RABGAP1L: variants seen among roughly 807,000 people sequenced by gnomAD.
RABGAP1L encodes rab GTPase-activating protein 1-like.
RABGAP1L carries 63 observed loss-of-function variants against 137.7 expected under a neutral mutation model. The ratio of observed to expected loss-of-function variants is 0.46; its 90% CI spans 0.37 to 0.56. The LOEUF (loss-of-function observed/expected upper bound fraction) is 0.56. Ranked by LOEUF, RABGAP1L falls within the 20% of genes least tolerant of loss-of-function variation. The probability of loss-of-function intolerance (pLI) is 0.00; values close to 1 mark genes in which losing one functional copy is unlikely to be tolerated. For synonymous variants in RABGAP1L, 431 were observed against 433.7 expected (o/e 0.99, Z 0.08); for missense variants, 1,095 against 1,244.0 (o/e 0.88, Z 1.80).
chr1:174,325,778 G>T (rs2148842465), intron 11 of RABGAP1L, among the ~76,000 whole-genome samples: 1 of 152,310 alleles, frequency 6.6e-6, no homozygotes, highest in East Asian at 1.9e-4. Context: ...TGTGGGACTA[G>T]CAGCAGCCGG....
At chr1:174,980,508 C>CT (rs1671002519) in intron 23 of RABGAP1L, among the ~76,000 whole-genome samples, 1 of 151,900 alleles carries the variant, frequency 6.6e-6, no homozygotes, top group Non-Finnish European at 1.5e-5. Flanking sequence ...AGACTTGGAT[C>CT]TGTAGAGATA....
rs997807112 is a variant in RABGAP1L at position 174,852,568 on chromosome 1, A to G, written c.2340+40608A>G. ...GTGGCTCACACCTGTAATCCCAGCA[A>G]TTTGGGAGGCTGAGGCGGGCTGATC... On this transcript the variant is annotated intron_variant, in intron 19 of 25. Coordinates refer to ENST00000681986, the MANE Select transcript of RABGAP1L (RefSeq NM_001366446.1). Among the ~76,000 whole-genome samples the G allele has an allele frequency of 4.6e-5, 7 of 152,278 alleles. 1 individual carries two copies. The East Asian group carries it at 7.7e-4, about 17-fold the overall frequency.
intron 13 of RABGAP1L, among the ~76,000 whole-genome samples, chr1:174,537,490 T>G (rs918218760): frequency 2.6e-5 from 4 of 152,218 alleles, no homozygotes; most frequent in African/African-American, 4.8e-5. Context: ...GTAAAAGGTC[T>G]TGGGAATATC....
At chr1:174,800,155 G>C (rs558133848) in intron 18 of RABGAP1L, 1 of 1,375,800 alleles carries the variant, frequency 7.3e-7, no homozygotes, top group Non-Finnish European at 9.4e-7. Context: ...TGGGGTTCTC[G>C]CAGTGGATAA....
intron 13 of RABGAP1L, among the ~76,000 whole-genome samples, chr1:174,611,819 T>C (rs1671280883): frequency 6.6e-6 from 1 of 152,242 alleles, no homozygotes; most frequent in Non-Finnish European, 1.5e-5. Flanking sequence ...CTTGAAGCAA[T>C]TGTGAATGGG....
intron 10 of RABGAP1L, among the ~76,000 whole-genome samples, chr1:174,295,170 G>A (rs1346018652): frequency 2.0e-5 from 3 of 151,602 alleles, no homozygotes; most frequent in African/African-American, 4.9e-5. Context: ...GCCCACCTTG[G>A]CCTCCCAAAA....
intron 17 of RABGAP1L, among the ~76,000 whole-genome samples, chr1:174,742,070 G>A (rs1683466477): frequency 1.1e-5 from 1 of 90,862 alleles, no homozygotes; most frequent in Admixed American, 9.9e-5. Flanking sequence ...AGAGGAAGAG[G>A]AGGGGGAGGG....
chr1:174,544,494 C>T (rs183648315), intron 13 of RABGAP1L, among the ~76,000 whole-genome samples: 91 of 152,208 alleles, frequency 6.0e-4, no homozygotes, highest in Non-Finnish European at 8.7e-4. Flanking sequence ...GTTAGCCATT[C>T]GTCTAATCTT....
intron 13 of RABGAP1L, among the ~76,000 whole-genome samples, chr1:174,519,332 A>G (rs1663160486): frequency 6.6e-6 from 1 of 152,080 alleles, no homozygotes; most frequent in Non-Finnish European, 1.5e-5. Context: ...GAGTCAGTCC[A>G]AGTCTAAAAA....
intron 13 of RABGAP1L, among the ~76,000 whole-genome samples, chr1:174,566,442 G>T (rs1346544656): frequency 6.6e-6 from 1 of 152,138 alleles, no homozygotes; most frequent in African/African-American, 2.4e-5. Context: ...GATAGAATTA[G>T]TGTCATGGTT....
At chr1:174,437,342 A>G (rs1212829130) in intron 13 of RABGAP1L, among the ~76,000 whole-genome samples, 6 of 152,188 alleles carry the variant, frequency 3.9e-5, no homozygotes, top group Admixed American at 6.5e-5. Context: ...ATGAATGGAT[A>G]ACTAGAATAA....
chr1:174,280,953 C>G (rs1311447150), intron 10 of RABGAP1L, among the ~76,000 whole-genome samples: 1 of 152,090 alleles, frequency 6.6e-6, no homozygotes, highest in Non-Finnish European at 1.5e-5. Flanking sequence ...GTCTCACTGA[C>G]TTCAAGAGTG....
chr1:174,631,762 C>G (rs28885502), intron 13 of RABGAP1L, among the ~76,000 whole-genome samples: 8 of 147,104 alleles, frequency 5.4e-5, no homozygotes, highest in African/African-American at 2.0e-4. Flanking sequence ...CTTCCTCCAT[C>G]CTTTTATTTT....
At chr1:174,345,479 A>T (rs1409281351) in intron 11 of RABGAP1L, among the ~76,000 whole-genome samples, 1 of 152,098 alleles carries the variant, frequency 6.6e-6, no homozygotes, top group African/African-American at 2.4e-5. Flanking sequence ...AGTATTTTAT[A>T]GTTTTCATTA....
chr1:174,842,863 T>C (rs1693565251), intron 19 of RABGAP1L, among the ~76,000 whole-genome samples: 1 of 152,190 alleles, frequency 6.6e-6, no homozygotes, highest in Non-Finnish European at 1.5e-5. Flanking sequence ...ATTTTCTTAT[T>C]TAATTATTCT....
intron 14 of RABGAP1L, among the ~76,000 whole-genome samples, chr1:174,664,825 C>T (rs1410360754): frequency 1.3e-5 from 2 of 148,568 alleles, no homozygotes; most frequent in Non-Finnish European, 3.0e-5. Context: ...GCAACCTCTG[C>T]CTCCCGGGTT....
intron 13 of RABGAP1L, among the ~76,000 whole-genome samples, chr1:174,514,247 CAAA>C (rs776487855): frequency 4.8e-4 from 39 of 81,058 alleles, no homozygotes; most frequent in Middle Eastern, 6.4e-3. Flanking sequence ...TATTTTAAGC[CAAA>C]AAAAAAAAAA....
chr1:174,412,548 A>T (rs79470991), intron 13 of RABGAP1L, among the ~76,000 whole-genome samples: 10,451 of 151,992 alleles, frequency 0.069, 488 homozygotes, highest in Non-Finnish European at 0.1. Context: ...TTGTTTCCTG[A>T]TAGGGTCTGT....
chr1:174,510,260 T>G (rs1330013340), intron 13 of RABGAP1L, among the ~76,000 whole-genome samples: 1 of 152,252 alleles, frequency 6.6e-6, no homozygotes, highest in Non-Finnish European at 1.5e-5. Context: ...TCCATCCATA[T>G]GTCTTTTCAT....
Sources: allele counts gnomAD v4.1 joint callset (sites outside exome capture counted in the v4.1 genomes callset), GRCh38; gene constraint gnomAD v4.1.1; transcripts MANE v1.5; gene names NCBI Gene and HGNC (gene_info 2026-07-23, HGNC 2026-07-21).